BLTP1: variants seen among roughly 807,000 people sequenced by gnomAD.
BLTP1 encodes bridge-like lipid transfer protein family member 1.
At chr4:122,300,486 C>T in the BLTP1 span, among the ~76,000 whole-genome samples, 14 of 152,072 alleles carry the variant, frequency 9.2e-5, no homozygotes, top group Non-Finnish European at 1.9e-4. Context: ...TTTTCTTGGT[C>T]TTATCTTGGA....
the BLTP1 span, chr4:122,291,966 G>GTTT: frequency 1.9e-3 from 222 of 118,804 alleles, 1 homozygote; most frequent in African/African-American, 3.2e-3. Flanking sequence ...GCATCAAACA[G>GTTT]TTTTTTTTTT....
At chr4:122,231,989 G>T in the BLTP1 span, 1 of 873,160 alleles carries the variant, frequency 1.1e-6, no homozygotes, top group Non-Finnish European at 1.4e-6. Flanking sequence ...TTTGTTATAT[G>T]TTGTGCAGGA....
At chr4:122,323,203 AT>A in the BLTP1 span, among the ~76,000 whole-genome samples, 4 of 151,424 alleles carry the variant, frequency 2.6e-5, no homozygotes, top group South Asian at 8.4e-4. Flanking sequence ...AACTCACTGT[AT>A]TTACTGGTCT....
the BLTP1 span, among the ~76,000 whole-genome samples, chr4:122,282,489 A>G: frequency 1.3e-5 from 2 of 152,110 alleles, no homozygotes; most frequent in Non-Finnish European, 2.9e-5. Context: ...TAAAAATACA[A>G]AAATTAGCTG....
chr4:122,309,580 G>GCCCTTCTTTCTC, the BLTP1 span: 1 of 1,027,032 alleles, frequency 9.7e-7, no homozygotes, highest in Non-Finnish European at 1.4e-6. Flanking sequence ...CTTTGAGAAA[G>GCCCTTCTTTCTC]AAGGGCTATT....
At chr4:122,235,621 T>A in the BLTP1 span, 6 of 222,512 alleles carry the variant, frequency 2.7e-5, no homozygotes, top group Non-Finnish European at 3.8e-5. Flanking sequence ...CTGGCTAACG[T>A]GGTGAAACCC....
chr4:122,234,605 A>G, the BLTP1 span: 1 of 340,090 alleles, frequency 2.9e-6, no homozygotes, highest in East Asian at 1.7e-4. Context: ...TTAGAAAGGC[A>G]AATGATTTAA....
chr4:122,355,804 C>T, the BLTP1 span: 1 of 1,596,564 alleles, frequency 6.3e-7, no homozygotes, highest in Non-Finnish European at 8.6e-7. Context: ...AGAGCTAAAT[C>T]TGCTTCGTAA....
chr4:122,280,057 T>A, the BLTP1 span: 1 of 1,599,880 alleles, frequency 6.3e-7, no homozygotes, highest in Non-Finnish European at 8.5e-7. Context: ...TTAACAAAAG[T>A]TTGGAGGGAG....
At chr4:122,348,256 TGTTAAA>T in the BLTP1 span, among the ~76,000 whole-genome samples, 1 of 152,166 alleles carries the variant, frequency 6.6e-6, no homozygotes, top group Non-Finnish European at 1.5e-5. Context: ...TTTTCTTCTT[TGTTAAA>T]CAGAATCCTA....
the BLTP1 span, chr4:122,207,900 G>A: frequency 3.0e-6 from 3 of 983,740 alleles, no homozygotes; most frequent in Non-Finnish European, 3.6e-6. Flanking sequence ...TGGCTAATCT[G>A]TATGTTAGCC....
the BLTP1 span, chr4:122,249,732 A>G: frequency 1.2e-4 from 185 of 1,597,160 alleles, no homozygotes; most frequent in Non-Finnish European, 1.5e-4. Flanking sequence ...AATATGTCCT[A>G]TATTGCAGAA....
the BLTP1 span, chr4:122,356,689 A>G: frequency 6.2e-7 from 1 of 1,613,918 alleles, no homozygotes; most frequent in Non-Finnish European, 8.5e-7. Context: ...TTGTGTGACT[A>G]TGGATGCTGA....
chr4:122,203,881 G>C, the BLTP1 span: 1 of 463,762 alleles, frequency 2.2e-6, no homozygotes. Context: ...TGTTAAAATA[G>C]AATTTGGCTA....
chr4:122,220,312 T>C, the BLTP1 span: 5 of 1,611,248 alleles, frequency 3.1e-6, no homozygotes, highest in South Asian at 2.2e-5. Context: ...ATTTCAACTG[T>C]GCTATTTCAT....
At chr4:122,348,587 A>C in the BLTP1 span, 1 of 1,597,982 alleles carries the variant, frequency 6.3e-7, no homozygotes, top group South Asian at 1.1e-5. Flanking sequence ...AAAAACATCA[A>C]CTCCTTTTAA....
chr4:122,347,117 T>C, the BLTP1 span: 5 of 984,098 alleles, frequency 5.1e-6, no homozygotes, highest in Non-Finnish European at 6.0e-6. Flanking sequence ...AAGTTAATCA[T>C]GGTTAGCGAA....
the BLTP1 span, chr4:122,289,780 C>G: frequency 1.0e-6 from 1 of 980,980 alleles, no homozygotes; most frequent in Non-Finnish European, 1.2e-6. Context: ...AAATTGGCAT[C>G]AAAAGGAGTT....
the BLTP1 span, chr4:122,214,138 T>C: frequency 6.5e-6 from 5 of 772,154 alleles, no homozygotes; most frequent in Non-Finnish European, 7.9e-6. Flanking sequence ...TTGTATTAGC[T>C]GTCATCTTTT....
Sources: gnomAD v4.1 joint callset for allele counts (sites outside exome capture counted in the v4.1 genomes callset) on GRCh38, gnomAD v4.1.1 for gene constraint, MANE v1.5 for transcripts, NCBI Gene and HGNC (gene_info 2026-07-23, HGNC 2026-07-21) for gene names.